GOLGA5: variants seen among roughly 807,000 people sequenced by gnomAD.
GOLGA5 encodes the protein golgin A5, also known as golgin subfamily A member 5.
Under a neutral mutation model 93.5 loss-of-function variants are expected in GOLGA5, and 50 were observed. That is an observed-to-expected ratio of 0.53 (90% CI 0.43 to 0.68). GOLGA5 has a LOEUF of 0.68. Among genes scored for constraint, GOLGA5 ranks in the 30% least tolerant of loss-of-function variants. The pLI, the probability that GOLGA5 is intolerant of heterozygous loss-of-function variation, is 0.00. For synonymous variants in GOLGA5, 312 were observed against 304.5 expected, an observed-to-expected ratio of 1.02 and a Z score of -0.26; for missense variants, 760 against 856.4, an observed-to-expected ratio of 0.89 and a Z score of 1.40.
chr14:92,836,791 C>T (rs770441938), intron 11 of GOLGA5, among the ~76,000 whole-genome samples: 2 of 152,082 alleles, frequency 1.3e-5, no homozygotes, highest in Non-Finnish European at 2.9e-5. Context: ...AGGCCGGGCA[C>T]GGTGGCTCAC....
intron 9 of GOLGA5, among the ~76,000 whole-genome samples, chr14:92,830,836 G>A (rs1885516486): frequency 6.6e-6 from 1 of 152,124 alleles, no homozygotes; most frequent in South Asian, 2.1e-4. Context: ...CTGGGCTCCA[G>A]CAATCCTCCT....
At chr14:92,810,420 G>A (rs193160607) in intron 5 of GOLGA5, 43 bp downstream of exon 5, 9 of 1,447,586 alleles carry the variant, frequency 6.2e-6, no homozygotes, top group South Asian at 2.8e-5. Flanking sequence ...ACTTGGACAC[G>A]GAAAAAATGA....
chr14:92,822,504 G>A (rs1335264769), intron 8 of GOLGA5, among the ~76,000 whole-genome samples: 2 of 152,202 alleles, frequency 1.3e-5, no homozygotes, highest in Non-Finnish European at 2.9e-5. Flanking sequence ...TTGTACAAAC[G>A]AGCAGTGCAT....
chr14:92,833,869 C>A (rs533851039), intron 10 of GOLGA5, among the ~76,000 whole-genome samples: 1 of 152,138 alleles, frequency 6.6e-6, no homozygotes, highest in South Asian at 2.1e-4. Flanking sequence ...TTTCTCAGTT[C>A]TTTGGCTTTA....
intron 2 of GOLGA5, among the ~76,000 whole-genome samples, chr14:92,798,182 G>A (rs1884780346): frequency 6.6e-6 from 1 of 152,170 alleles, no homozygotes; most frequent in African/African-American, 2.4e-5. Context: ...GGGACTTCAT[G>A]TTGTCTGGAG....
intron 7 of GOLGA5, among the ~76,000 whole-genome samples, chr14:92,818,995 T>G (rs1050908107): frequency 6.6e-6 from 1 of 152,226 alleles, no homozygotes; most frequent in South Asian, 2.1e-4. Context: ...TCTGGTGATA[T>G]GCAAGACAAG....
At chr14:92,836,071 G>A (rs1447900851) in intron 11 of GOLGA5, among the ~76,000 whole-genome samples, 2 of 151,836 alleles carry the variant, frequency 1.3e-5, no homozygotes, top group Non-Finnish European at 2.9e-5. Flanking sequence ...TAGAATAAAA[G>A]ATGCTACTAT....
At chr14:92,811,843 T>C (rs1171994323) in intron 6 of GOLGA5, 89 bp downstream of exon 6, 1 of 915,124 alleles carries the variant, frequency 1.1e-6, no homozygotes, top group Non-Finnish European at 1.8e-6. Context: ...TGTGAGGTGC[T>C]TTGTTCATGT....
intron 1 of GOLGA5, among the ~76,000 whole-genome samples, chr14:92,795,805 T>A (rs1206320594): frequency 6.6e-6 from 1 of 152,250 alleles, no homozygotes; most frequent in African/African-American, 2.4e-5. Context: ...ATGATTGACC[T>A]AACTTAGCTG....
At chr14:92,836,844 C>T (rs1378816413) in intron 11 of GOLGA5, among the ~76,000 whole-genome samples, 1 of 152,090 alleles carries the variant, frequency 6.6e-6, no homozygotes, top group Non-Finnish European at 1.5e-5. Flanking sequence ...GCAGGCGGAT[C>T]ACCTGAGGTC....
At chr14:92,802,663 T>G (rs987727153) in intron 2 of GOLGA5, among the ~76,000 whole-genome samples, 3 of 151,804 alleles carry the variant, frequency 2.0e-5, no homozygotes, top group Admixed American at 6.6e-5. Context: ...TTAGCAATGT[T>G]TTTTCCTCTA....
chr14:92,833,056 A>G, intron 9 of GOLGA5, 66 bp from the exon 10 acceptor site: 2 of 838,704 alleles, frequency 2.4e-6, no homozygotes, highest in Non-Finnish European at 4.1e-6. Flanking sequence ...AAAATGTAGT[A>G]GTGTGATTTC....
chr14:92,800,865 A>T (rs1884856629), intron 2 of GOLGA5, among the ~76,000 whole-genome samples: 1 of 152,236 alleles, frequency 6.6e-6, no homozygotes, highest in African/African-American at 2.4e-5. Flanking sequence ...ACCTAAAGGG[A>T]ACCTCGTTGT....
intron 8 of GOLGA5, 129 bp downstream of exon 8, chr14:92,819,965 C>A: frequency 2.5e-6 from 2 of 812,302 alleles, no homozygotes; most frequent in East Asian, 5.3e-5. Context: ...GTTCCTCCTG[C>A]CTTCCCATCT....
chr14:92,816,101 T>C (rs1885198372), intron 6 of GOLGA5, 150 bp from the exon 7 acceptor site: 2 of 599,890 alleles, frequency 3.3e-6, no homozygotes, highest in African/African-American at 1.9e-5. Context: ...TGTTGTGTTT[T>C]TTATCCTTAG....
intron 1 of GOLGA5, among the ~76,000 whole-genome samples, chr14:92,797,123 A>G (rs1884751457): frequency 6.6e-6 from 1 of 152,060 alleles, no homozygotes; most frequent in African/African-American, 2.4e-5. Flanking sequence ...AATAATGGTA[A>G]TAGCAGCCAC....
rs138061184 is a variant in GOLGA5, at chr14:92,833,247, G to C, written c.1845G>C (p.Leu615=). 3.7e-6 allele frequency: 6 copies of C among 1,613,704 alleles called. No homozygotes were observed. Among genetic ancestry groups the C allele is most frequent in the South Asian group, 1.1e-5 (1 of 91,068 alleles). The change falls in exon 10 of 13, where the codon CTG becomes CTC. Residue 615 remains leucine (L), a synonymous_variant. Coordinates refer to ENST00000163416, the MANE Select transcript of GOLGA5 (RefSeq NM_005113.4). ...LESLSTEKNS[L]VFQLERLEQQ... Reference sequence around the variant, plus strand: ...GTCTCAGCACAGAAAAGAACTCCCTGGTCTTTCAACTGGAGCGCCTCGAAC... The same window carrying C: ...GTCTCAGCACAGAAAAGAACTCCCTCGTCTTTCAACTGGAGCGCCTCGAAC...
intron 10 of GOLGA5, among the ~76,000 whole-genome samples, chr14:92,835,189 C>T (rs1402857648): frequency 1.3e-5 from 2 of 152,128 alleles, no homozygotes; most frequent in Admixed American, 1.3e-4. Flanking sequence ...GGGATGAAGC[C>T]TCTGGGCTGG....
At chr14:92,810,954 G>T (rs1379806016) in intron 5 of GOLGA5, among the ~76,000 whole-genome samples, 2 of 152,230 alleles carry the variant, frequency 1.3e-5, no homozygotes, top group Middle Eastern at 3.2e-3. Context: ...AGTCAGGGTT[G>T]CAAACCACTG....
Sources: gnomAD v4.1 joint callset for allele counts (sites outside exome capture counted in the v4.1 genomes callset) on GRCh38, gnomAD v4.1.1 for gene constraint, MANE v1.5 for transcripts, NCBI Gene and HGNC (gene_info 2026-07-23, HGNC 2026-07-21) for gene names.